CROCC: variants seen among roughly 807,000 people sequenced by gnomAD.
CROCC encodes ciliary rootlet coiled-coil, rootletin.
Under a neutral mutation model 245.2 loss-of-function variants are expected in CROCC, and 180 were observed. The observed-to-expected ratio is 0.73, with a 90% CI of 0.65 to 0.83. The LOEUF (loss-of-function observed/expected upper bound fraction) is 0.83. CROCC is among the 40% of genes least tolerant of loss of function. CROCC has a pLI of 0.00. For synonymous variants in CROCC, 1,205 were observed against 1,241.6 expected (o/e 0.97, Z 0.62); for missense variants, 2,688 against 2,779.4 (o/e 0.97, Z 0.74).
At chr1:16,970,875 C>G (rs2076506385) in intron 35 of CROCC, 108 bp downstream of exon 35, 2 of 1,332,208 alleles carry the variant, frequency 1.5e-6, no homozygotes, top group Non-Finnish European at 9.8e-7. Flanking sequence ...ACCCCCTCCC[C>G]CAGGAGCCCT....
At chr1:16,955,094 C>G (rs1003348972) in intron 23 of CROCC, among the ~76,000 whole-genome samples, 2 of 152,270 alleles carry the variant, frequency 1.3e-5, no homozygotes, top group Middle Eastern at 6.8e-3. Context: ...TCTCTGCCCT[C>G]TTGGTGTTGT....
chr1:16,960,751 A>T lies in CROCC; in HGVS notation c.4033-7A>T. ...TTGCCGACCTCCACCTCCTGGCATC[A>T]CTCCAGCTCCAGGTAGCCCAGCGGA... On this transcript the variant is annotated splice_region_variant and splice_polypyrimidine_tract_variant and intron_variant, in intron 26 of 36. Coordinates refer to ENST00000375541, the MANE Select transcript of CROCC (RefSeq NM_014675.5). 1 of 1,508,696 alleles carries T rather than the reference A, an allele frequency of 6.6e-7. No individual in the cohort carries two copies. The highest frequency in any genetic ancestry group is 1.2e-5 in the South Asian group (1 of 81,506). The allele number at this position is 1,508,696 out of a possible 1,614,324, so 93.5% of individuals were successfully genotyped here. A position where few individuals can be genotyped will look rare whatever the true frequency, so the allele number is the denominator to read the frequency against.
Position 16,970,237 on chromosome 1 carries a change from C to T in CROCC, c.5452-16C>T, listed in dbSNP as rs1418379431. 1.2e-5 allele frequency: 18 copies of T among 1,535,508 alleles called. No homozygotes were observed. Among genetic ancestry groups the T allele is most frequent in the Non-Finnish European group, 1.6e-5 (18 of 1,134,270 alleles). ...AGGCCCAGAGGGATTCGGGGCCTGC[C>T]TGGCTTCTGTTGCAGGTGCTGCGGC... On this transcript the variant is annotated splice_polypyrimidine_tract_variant and intron_variant, in intron 33 of 36. Coordinates refer to ENST00000375541, the MANE Select transcript of CROCC (RefSeq NM_014675.5).
At chr1:16,920,292 T>C (rs2075376934), upstream of CROCC, among the ~76,000 whole-genome samples, 1 of 152,356 alleles carries the variant, frequency 6.6e-6, no homozygotes, top group African/African-American at 2.4e-5. Flanking sequence ...TAGGCCAGGA[T>C]GGTCTTAATC....
At chr1:16,944,459 T>C (rs1318706249) in intron 14 of CROCC, among the ~76,000 whole-genome samples, 177 bp downstream of exon 14, 7 of 152,284 alleles carry the variant, frequency 4.6e-5, no homozygotes, top group African/African-American at 1.4e-4. Context: ...CAGGGAGGTA[T>C]AGTCACTTAC....
rs781364301 is a variant in CROCC, at chr1:16,946,878, C to G, written c.2401C>G (p.Arg801Gly). ...GCTGCGGTTGGAGCAGGAGGTGGCG[C>G]GGCAGGGCCTGGAGGGCTCCCTACG... Reference protein sequence around the residue: ...EELRLEQEVARQGLEGSLRVA... With the variant: ...EELRLEQEVAGQGLEGSLRVA... Residue 801 changes from arginine to glycine, a missense_variant, in exon 17 of 37, where the codon CGG becomes GGG. This residue lies in a region of CROCC where 295 missense variants were observed against 241.7 expected (regional missense o/e 1.22). Transcript: ENST00000375541. 12 of 1,561,130 alleles carry G rather than the reference C, an allele frequency of 7.7e-6. No individual in the cohort carries two copies. The East Asian group carries it at 9.5e-5, about 12-fold the overall frequency.
At chr1:16,927,037 C>T (rs1208138520) in intron 3 of CROCC, among the ~76,000 whole-genome samples, 1 of 152,256 alleles carries the variant, frequency 6.6e-6, no homozygotes, top group Non-Finnish European at 1.5e-5. Context: ...CTCTGTGTCC[C>T]AGAGGCAAAC....
chr1:16,914,138 G>A (rs1388589751), intron 1 of CROCC, among the ~76,000 whole-genome samples: 1 of 98,022 alleles, frequency 1.0e-5, no homozygotes. Context: ...GCGCGCGAAG[G>A]TAGGTGGCCG....
Position 16,954,839 on chromosome 1 carries a change from C to T in CROCC, c.3427C>T (p.Arg1143Ter), listed in dbSNP as rs748483439. ...QEVRRLQEQA[R>*]DLGKQRDSCL... ...GGTGAGGAGGCTGCAAGAGCAGGCC[C>T]GAGACCTGGGCAAGCAGCGGGACTC... Residue 1143 changes from arginine (R) to a stop codon, truncating the protein, a stop_gained, in exon 23 of 37, where the codon CGA becomes TGA. Coordinates refer to ENST00000375541, the MANE Select transcript of CROCC (RefSeq NM_014675.5). LOFTEE classifies it high-confidence loss of function. This position sits in a 1 kb window ranked among gnomAD's most constrained non-coding sequence, Gnocchi z 4.4. The T allele has an allele frequency of 1.5e-5, 23 of 1,545,946 alleles. No individual in the cohort carries two copies. The highest frequency in any genetic ancestry group is 1.9e-5 in the Non-Finnish European group (22 of 1,142,844).
At chr1:16,948,579 C>G (rs2076102528) in intron 18 of CROCC, 55 bp downstream of exon 18, 1 of 1,476,716 alleles carries the variant, frequency 6.8e-7, no homozygotes, top group Non-Finnish European at 9.0e-7. Flanking sequence ...GGGGCCACAC[C>G]ATGACCAGCC....
Position 16,929,896 on chromosome 1 carries a change from C to T in CROCC, c.402C>T (p.Pro134=). The T allele has an allele frequency of 2.5e-6, 4 of 1,587,782 alleles. No individual in the cohort carries two copies. The highest frequency in any genetic ancestry group is 1.3e-5 in the African/African-American group (1 of 74,858). Residue 134 remains proline (P), a synonymous_variant, in exon 4 of 37, where the codon CCC becomes CCT. Transcript: ENST00000375541. The part of the protein sequence containing the change: ...LEPGELETQE[P]RGLVRQSVEL... ...CTGGGGAGCTGGAGACGCAGGAGCC[C>T]AGGGGGCTGGTACGGCAGAGCGTGG...
intron 3 of CROCC, among the ~76,000 whole-genome samples, chr1:16,927,601 C>T (rs145128576): frequency 1.1e-4 from 17 of 152,402 alleles, no homozygotes; most frequent in African/African-American, 1.7e-4. Context: ...AAACAGTCGA[C>T]GTGAACTCAG....
upstream of CROCC, among the ~76,000 whole-genome samples, chr1:16,917,319 C>A (rs199857255): frequency 3.6e-3 from 464 of 128,770 alleles, no homozygotes; most frequent in East Asian, 0.042. Context: ...GTTTTGGGCA[C>A]AGGGCCTGGC....
At chr1:16,929,740 G>A (rs1267685779) in intron 3 of CROCC, 106 bp from the exon 4 acceptor site, 6 of 1,434,340 alleles carry the variant, frequency 4.2e-6, no homozygotes, top group African/African-American at 1.4e-5. Flanking sequence ...CAGGCTATCA[G>A]CCTACAAGGC....
rs565974790 is a variant in CROCC at position 16,939,878 on chromosome 1, A to AC, written c.1609-10dup. ...CTCTCAGGCCCCCCCAGACTCTGTG[A>AC]CCCCCCACACCCCAGGACATGCGTG... On this transcript the variant is annotated splice_polypyrimidine_tract_variant and intron_variant, in intron 12 of 36. Transcript: ENST00000375541. 4.9e-4 allele frequency: 787 copies of AC among 1,609,628 alleles called. No individual in the cohort carries two copies. The highest frequency in any genetic ancestry group is 5.9e-4 in the Non-Finnish European group (699 of 1,178,148).
At position 16,966,402 on chromosome 1, in the gene CROCC, C is replaced by T; in HGVS notation, c.4697-6C>T. The T allele has an allele frequency of 6.6e-7, 1 of 1,517,242 alleles. No homozygotes were observed. 94.0% of individuals were successfully genotyped at this position (1,517,242 alleles called of 1,614,324 possible). Reference sequence around the variant, plus strand: ...CCATGCCTGACGGGGTGGGTGGTGGCTACAGCCCGGCGCAGTGTGGATGGG... The same window carrying T: ...CCATGCCTGACGGGGTGGGTGGTGGTTACAGCCCGGCGCAGTGTGGATGGG... On this transcript the variant is annotated splice_polypyrimidine_tract_variant and splice_region_variant and intron_variant, in intron 29 of 36. Coordinates refer to ENST00000375541, the MANE Select transcript of CROCC (RefSeq NM_014675.5). The surrounding 1 kb of genome is among the most constrained non-coding windows in gnomAD (Gnocchi z 4.8).
chr1:16,930,668 G>A (rs1197086024), intron 7 of CROCC, 74 bp downstream of exon 7: 5 of 1,514,364 alleles, frequency 3.3e-6, no homozygotes, highest in Non-Finnish European at 4.5e-6. Flanking sequence ...GGACTCAGAA[G>A]CCTGGAGAGG....
At chr1:16,941,690 C>T (rs1359507051) in intron 13 of CROCC, among the ~76,000 whole-genome samples, 1 of 152,040 alleles carries the variant, frequency 6.6e-6, no homozygotes, top group South Asian at 2.1e-4. Context: ...CGAGATGGCG[C>T]CACTGCACTC....
Position 16,951,072 on chromosome 1 carries a change from G to A in CROCC, c.2956G>A (p.Glu986Lys), listed in dbSNP as rs2076151785. ...AEREAQASLREQRAAHEEDLQ... is the reference protein window; with the variant it reads ...AEREAQASLRKQRAAHEEDLQ... ...GCGGGAGGCCCAGGCCTCTCTGCGG[G>A]AGCAGCGGGCAGCTCACGAGGAGGA... Residue 986 changes from glutamate to lysine, a missense_variant, in exon 20 of 37, where the codon GAG becomes AAG. Transcript: ENST00000375541. 9 of 1,601,380 alleles carry A rather than the reference G, an allele frequency of 5.6e-6. No homozygotes were observed. Among genetic ancestry groups the A allele is most frequent in the Non-Finnish European group, 7.7e-6 (9 of 1,175,112 alleles).
Sources: allele counts gnomAD v4.1 joint callset (sites outside exome capture counted in the v4.1 genomes callset), GRCh38; gene constraint gnomAD v4.1.1; regional missense constraint gnomAD v4.1.1; non-coding constraint Gnocchi (gnomAD v3.1); transcripts MANE v1.5; gene names NCBI Gene and HGNC (gene_info 2026-07-23, HGNC 2026-07-21).